Variants in PCDHA2 observed in about 807,000 individuals in gnomAD.
PCDHA2 encodes protocadherin alpha 2.
Under a neutral mutation model 66.0 loss-of-function variants are expected in PCDHA2, and 58 were observed. The ratio of observed to expected loss-of-function variants is 0.88; its 90% CI spans 0.71 to 1.09. PCDHA2 has a LOEUF of 1.09. Ranked by LOEUF, PCDHA2 falls within the 50% of genes least tolerant of loss-of-function variation. The pLI is 0.00. For synonymous variants in PCDHA2, 634 were observed against 554.0 expected, an observed-to-expected ratio of 1.14 and a Z score of -2.03; for missense variants, 1,267 against 1,242.3, an observed-to-expected ratio of 1.02 and a Z score of -0.30.
intron 1 of PCDHA2, among the ~76,000 whole-genome samples, chr5:140,963,103 G>A (rs2095737477): frequency 1.3e-5 from 2 of 151,910 alleles, no homozygotes; most frequent in South Asian, 4.1e-4. Flanking sequence ...CTGCTTTCAG[G>A]TTGCTTATAA....
chr5:140,967,565 C>A, intron 1 of PCDHA2: 1 of 1,614,080 alleles, frequency 6.2e-7, no homozygotes, highest in Non-Finnish European at 8.5e-7. Context: ...CGTCCAGCTA[C>A]GGGAGGACTC....
Position 140,939,297 on chromosome 5 carries a change from T to C in PCDHA2, c.2389-39652T>C, listed in dbSNP as rs116782192. Among the ~76,000 whole-genome samples the C allele has an allele frequency of 5.4e-3, 827 of 152,242 alleles. 3 individuals are homozygous for C. The highest frequency in any genetic ancestry group is 0.019 in the African/African-American group (796 of 41,542). ...TGTGCCCTCGTGATCTAATCATCTC[T>C]ACAAAAGCCCTACCTCCTAATATCA... On this transcript the variant is annotated intron_variant, in intron 1 of 3. Coordinates refer to ENST00000526136, the MANE Select transcript of PCDHA2 (RefSeq NM_018905.3).
At chr5:140,800,649 C>A (rs1762585580) in intron 1 of PCDHA2, among the ~76,000 whole-genome samples, 1 of 152,086 alleles carries the variant, frequency 6.6e-6, no homozygotes, top group African/African-American at 2.4e-5. Context: ...TTTTACTTAA[C>A]CTCTATGTGT....
intron 1 of PCDHA2, chr5:140,841,290 T>C (rs2150312636): frequency 6.4e-7 from 1 of 1,558,300 alleles, no homozygotes. Flanking sequence ...TATATTAAGA[T>C]AATATTTTCT....
chr5:140,807,595 A>T (rs1205314334), intron 1 of PCDHA2: 2 of 1,614,194 alleles, frequency 1.2e-6, no homozygotes. Flanking sequence ...TCCCAGCAAC[A>T]CAAAAGAACC....
intron 1 of PCDHA2, chr5:140,834,564 C>A: frequency 6.2e-7 from 1 of 1,614,090 alleles, no homozygotes; most frequent in Non-Finnish European, 8.5e-7. Context: ...GGAGCTGGTG[C>A]CGCGCCTGTT....
At chr5:140,834,808 T>C in intron 1 of PCDHA2, 1 of 1,612,578 alleles carries the variant, frequency 6.2e-7, no homozygotes, top group Non-Finnish European at 8.5e-7. Flanking sequence ...AATCTGTTCA[T>C]CGCGGAATCC....
intron 1 of PCDHA2, among the ~76,000 whole-genome samples, chr5:140,911,118 G>A (rs11955654): frequency 0.019 from 2,929 of 152,274 alleles, 39 homozygotes; most frequent in East Asian, 0.055. Flanking sequence ...AGCCATCACT[G>A]TTGCCTCAGG....
At chr5:140,828,700 G>C (rs2150158039) in intron 1 of PCDHA2, 1 of 1,614,210 alleles carries the variant, frequency 6.2e-7, no homozygotes, top group South Asian at 1.1e-5. Flanking sequence ...TGGACAGAGA[G>C]GAAGCTCCTG....
chr5:140,926,742 C>G (rs1454782151), intron 1 of PCDHA2: 2 of 1,199,338 alleles, frequency 1.7e-6, no homozygotes, highest in East Asian at 5.8e-5. Context: ...GGAGGCGCAA[C>G]GTCGGCGGTC....
chr5:140,944,470 A>G (rs1245262998), intron 1 of PCDHA2, among the ~76,000 whole-genome samples: 1 of 152,166 alleles, frequency 6.6e-6, no homozygotes, highest in East Asian at 1.9e-4. Flanking sequence ...TACAGGTATG[A>G]GGCACTGGAC....
In PCDHA2 at chr5:141,011,794, G is replaced by A. The variant is rs782200485; in HGVS notation, c.*1857G>A. 2 of 153,664 alleles carry A rather than the reference G, an allele frequency of 1.3e-5. No individual in the cohort carries two copies. The highest frequency in any genetic ancestry group is 2.9e-5 in the Non-Finnish European group (2 of 68,028). The allele number at this position is 153,664 out of a possible 1,614,324, so 9.5% of individuals were successfully genotyped here. ...ATGCTTTGAAATTCTAATGGTATCT[G>A]AAATATCAGCTCATAGAAAGTAACA... On this transcript the variant is annotated 3_prime_UTR_variant, in exon 4 of 4. Coordinates refer to ENST00000526136, the MANE Select transcript of PCDHA2 (RefSeq NM_018905.3).
At chr5:140,938,187 C>T (rs1584944424) in intron 1 of PCDHA2, among the ~76,000 whole-genome samples, 1 of 152,158 alleles carries the variant, frequency 6.6e-6, no homozygotes, top group Admixed American at 6.5e-5. Context: ...CTCAAGCAAT[C>T]CTCCCACGCC....
intron 1 of PCDHA2, among the ~76,000 whole-genome samples, chr5:140,894,258 G>T (rs2153446538): frequency 6.6e-6 from 1 of 151,918 alleles, no homozygotes; most frequent in South Asian, 2.1e-4. Flanking sequence ...TTCTTTACAA[G>T]TGGTAGCTTA....
At position 140,840,142 on chromosome 5, in the gene PCDHA2, A is replaced by G. The variant is rs2150303821; in HGVS notation, c.2388+42790A>G. ...TGTACTAATAAGGACAGAAATTATC[A>G]CACGTGAAAGGAGAGATGGGATGTA... On this transcript the variant is annotated intron_variant, in intron 1 of 3. Coordinates refer to ENST00000526136, the MANE Select transcript of PCDHA2 (RefSeq NM_018905.3). Among the ~76,000 whole-genome samples, 125 of 152,144 alleles carry G rather than the reference A, an allele frequency of 8.2e-4. 4 individuals carry two copies. The highest frequency in any genetic ancestry group is 2.9e-3 in the African/African-American group (122 of 41,494).
At chr5:140,863,431 T>C (rs782746420) in intron 1 of PCDHA2, 12 of 648,614 alleles carry the variant, frequency 1.9e-5, no homozygotes, top group South Asian at 1.5e-4. Context: ...CGTAGTGGGA[T>C]CTGGTCTTAC....
intron 3 of PCDHA2, among the ~76,000 whole-genome samples, chr5:140,984,358 A>G (rs1443365008): frequency 1.3e-5 from 2 of 152,234 alleles, no homozygotes; most frequent in Admixed American, 1.3e-4. Flanking sequence ...TATTTCATAC[A>G]TCTGGCCAAG....
intron 1 of PCDHA2, chr5:140,864,423 CACAA>C (rs1165677153): frequency 1.8e-4 from 27 of 152,176 alleles, no homozygotes; most frequent in Non-Finnish European, 3.4e-4. Flanking sequence ...CAGCTTCGTC[CACAA>C]ACAATTTTGT....
At chr5:140,998,548 T>A (rs904925148) in intron 3 of PCDHA2, among the ~76,000 whole-genome samples, 7 of 149,880 alleles carry the variant, frequency 4.7e-5, no homozygotes, top group African/African-American at 1.7e-4. Context: ...CCTAATTTAA[T>A]GTCTAATTTA....
Sources: gnomAD v4.1 joint callset for allele counts (sites outside exome capture counted in the v4.1 genomes callset) on GRCh38, gnomAD v4.1.1 for gene constraint, MANE v1.5 for transcripts, NCBI Gene and HGNC (gene_info 2026-07-23, HGNC 2026-07-21) for gene names.